The following SLC6A12 variants were observed in gnomAD, a reference collection of about 807,000 sequenced individuals.
The protein encoded by SLC6A12 is solute carrier family 6 member 12.
In SLC6A12, 50 loss-of-function variants were observed where a neutral mutation model predicts 73.3. That is an observed-to-expected ratio of 0.68 (90% CI 0.54 to 0.86). SLC6A12 has a LOEUF of 0.86. Among genes scored for constraint, SLC6A12 ranks in the 40% least tolerant of loss-of-function variants. SLC6A12 has a pLI of 0.00. For missense variants in SLC6A12, 648 were observed against 772.8 expected, an observed-to-expected ratio of 0.84 and a Z score of 1.92; for synonymous variants, 304 against 309.2, an observed-to-expected ratio of 0.98 and a Z score of 0.18.
Position 198,855 on chromosome 12 carries a change from G to C in SLC6A12, c.788C>G (p.Ala263Gly). 1 of 1,614,140 alleles carries C rather than the reference G, an allele frequency of 6.2e-7. No homozygotes were observed. Among genetic ancestry groups the C allele is most frequent in the Non-Finnish European group, 8.5e-7 (1 of 1,179,994 alleles). Reference protein sequence around the residue: ...LLIRGVTLPGAYQGIIYYLKP... With the variant: ...LLIRGVTLPGGYQGIIYYLKP... Reference sequence around the variant, plus strand: ...CAAGTAGTAGATGATGCCCTGGTAGGCTCCGGGAAGGGTGACACCTCTGAT... The same window carrying C: ...CAAGTAGTAGATGATGCCCTGGTAGCCTCCGGGAAGGGTGACACCTCTGAT... The change falls in exon 8 of 16, where the codon GCC (alanine) becomes GGC (glycine). Residue 263 changes from alanine to glycine, a missense_variant. Physicochemically the swap from Ala to Gly is moderately conservative, Grantham distance 60. Coordinates refer to ENST00000684302, the MANE Select transcript of SLC6A12 (RefSeq NM_001122848.3). This position sits in a 1 kb window ranked among gnomAD's most constrained non-coding sequence, Gnocchi z 4.0.
intron 3 of SLC6A12, among the ~76,000 whole-genome samples, chr12:209,352 A>G (rs1407867308): frequency 2.0e-5 from 3 of 152,188 alleles, no homozygotes; most frequent in Non-Finnish European, 4.4e-5. Flanking sequence ...CCTGCCGCAG[A>G]CACAGTACAA....
intron 13 of SLC6A12, among the ~76,000 whole-genome samples, chr12:193,599 C>G (rs116264295): frequency 1.7e-3 from 254 of 152,350 alleles, no homozygotes; most frequent in African/African-American, 5.9e-3. Flanking sequence ...ACTGCTGCTG[C>G]CATCTCTTGT....
At position 192,333 on chromosome 12, in the gene SLC6A12, G is replaced by A. The variant is rs115675175; in HGVS notation, c.1701+145C>T. ...GCCACTGGACTGGTCTTCAAAGTTCGTCTCGTTAAGATTCTGTGAGACTGA... is the reference window on the plus strand; with the variant it reads ...GCCACTGGACTGGTCTTCAAAGTTCATCTCGTTAAGATTCTGTGAGACTGA... On this transcript the variant is annotated intron_variant, in intron 15 of 15. Transcript: ENST00000684302. 3.1e-4 allele frequency: 212 copies of A among 680,102 alleles called. No individual in the cohort carries two copies. The African/African-American group carries it at 3.3e-3, about 11-fold the overall frequency. 42.1% of individuals were successfully genotyped at this position (680,102 alleles called of 1,614,324 possible).
Position 197,205 on chromosome 12 carries a change from C to CT in SLC6A12, c.1075+171_1075+172insA, listed in dbSNP as rs1939964233. On this transcript the variant is annotated intron_variant, in intron 10 of 15. Coordinates refer to ENST00000684302, the MANE Select transcript of SLC6A12 (RefSeq NM_001122848.3). ...TCCATCCATCCATCCATTCATCCAT[C>CT]CATGGAAGCCCTGCTTTGTGCTAAG... Among the ~76,000 whole-genome samples the CT allele has an allele frequency of 5.6e-5, 3 of 53,470 alleles. 1 individual carries two copies. Among genetic ancestry groups the CT allele is most frequent in the Non-Finnish European group, 1.3e-4 (3 of 22,848 alleles). 35.1% of individuals were successfully genotyped at this position (53,470 alleles called of 152,430 possible). A position where few individuals can be genotyped will look rare whatever the true frequency, so the allele number is the denominator to read the frequency against.
chr12:186,993 TCTCA>T (rs758787612), downstream of SLC6A12, among the ~76,000 whole-genome samples: 17 of 152,136 alleles, frequency 1.1e-4, no homozygotes, highest in Admixed American at 4.6e-4. Context: ...TGCCCAAAGT[TCTCA>T]CTTTCTCCGC....
At position 198,064 on chromosome 12, in the gene SLC6A12, C is replaced by T. The variant is rs12311166; in HGVS notation, c.847-61G>A. 1.2e-5 allele frequency: 17 copies of T among 1,399,790 alleles called. No homozygotes were observed. Among genetic ancestry groups the T allele is most frequent in the Admixed American group, 6.8e-5 (4 of 58,854 alleles). The allele number at this position is 1,399,790 out of a possible 1,614,324, so 86.7% of individuals were successfully genotyped here. ...CCCAGGGCCCAGAGCCAGGGTGACC[C>T]GAGATCCAGACCCGTCCCCTGCAGC... On this transcript the variant is annotated intron_variant, in intron 8 of 15. Coordinates refer to ENST00000684302, the MANE Select transcript of SLC6A12 (RefSeq NM_001122848.3). This position sits in a 1 kb window ranked among gnomAD's most constrained non-coding sequence, Gnocchi z 4.0.
At chr12:200,895 G>T in intron 6 of SLC6A12, 112 bp from the exon 7 acceptor site, 1 of 1,172,020 alleles carries the variant, frequency 8.5e-7, no homozygotes, top group Non-Finnish European at 1.2e-6. Context: ...CATATTCCAG[G>T]GCTTCCCCCA....
intron 9 of SLC6A12, 140 bp downstream of exon 9, chr12:197,760 G>A: frequency 1.5e-6 from 1 of 675,382 alleles, no homozygotes; most frequent in Non-Finnish European, 2.5e-6. Context: ...TTTAGTCTGG[G>A]AAAGGAACCC....
chr12:201,827 G>A lies in SLC6A12; in HGVS notation c.513C>T (p.Asn171=). The A allele has an allele frequency of 6.2e-7, 1 of 1,614,062 alleles. No individual in the cohort carries two copies. The change falls in exon 6 of 16, where the codon AAC becomes AAT. Residue 171 remains asparagine, a synonymous_variant. Transcript: ENST00000684302. ...GGGTCACTGTGCCGGCTCCTGAGTGGTTCAGAAAGTCCGTGCAATGCTCTG... is the reference window on the plus strand; with the variant it reads ...GGGTCACTGTGCCGGCTCCTGAGTGATTCAGAAAGTCCGTGCAATGCTCTG... ...WNTEHCTDFL[N]HSGAGTVTPF... is the part of the protein sequence containing the mutation.
chr12:189,914 T>C (rs1315490658), downstream of SLC6A12, among the ~76,000 whole-genome samples: 1 of 152,146 alleles, frequency 6.6e-6, no homozygotes, highest in Non-Finnish European at 1.5e-5. Flanking sequence ...CAAAAGGATC[T>C]GGGAGGACAT....
At chr12:189,896 G>A (rs998803425), downstream of SLC6A12, among the ~76,000 whole-genome samples, 1 of 152,164 alleles carries the variant, frequency 6.6e-6, no homozygotes, top group Non-Finnish European at 1.5e-5. Flanking sequence ...AGGTGGCAAG[G>A]ACAAGAACAA....
chr12:204,703 A>G lies in SLC6A12; in HGVS notation c.215-5T>C. ...AGTAGGGGATGAAGAAGGCTCCTGC[A>G]GAAGAGAGAGAGGCAGGGCTGAGCC... On this transcript the variant is annotated splice_region_variant and splice_polypyrimidine_tract_variant and intron_variant, in intron 3 of 15. Transcript: ENST00000684302. 6.2e-7 allele frequency: 1 copy of G among 1,613,922 alleles called. No homozygotes were observed. Among genetic ancestry groups the G allele is most frequent in the Non-Finnish European group, 8.5e-7 (1 of 1,179,972 alleles).
chr12:184,925 T>TGG, the SLC6A12 span, among the ~76,000 whole-genome samples: 1 of 43,626 alleles, frequency 2.3e-5, no homozygotes, highest in Non-Finnish European at 4.2e-5. Flanking sequence ...AGAATGAAAC[T>TGG]GTCTCAAAAA....
intron 12 of SLC6A12, 89 bp from the exon 13 acceptor site, chr12:195,416 G>A (rs919052883): frequency 7.3e-5 from 62 of 844,724 alleles, no homozygotes; most frequent in African/African-American, 6.6e-4. Context: ...CCCACGTGGG[G>A]TGCACTCCTG....
At chr12:189,567 G>T (rs1242321255), downstream of SLC6A12, among the ~76,000 whole-genome samples, 1 of 152,146 alleles carries the variant, frequency 6.6e-6, no homozygotes, top group Non-Finnish European at 1.5e-5. Context: ...GGGGGTCCAG[G>T]TGACATCTAT....
chr12:187,648 C>G (rs1025767898), downstream of SLC6A12, among the ~76,000 whole-genome samples: 3 of 137,470 alleles, frequency 2.2e-5, no homozygotes, highest in Non-Finnish European at 3.1e-5. Context: ...ACACACACAG[C>G]ACCCACTGCA....
Position 213,082 on chromosome 12 carries a change from G to A in SLC6A12, c.-143+840C>T, listed in dbSNP as rs140264520. ...CCCAGCTGGGGCTAGCAGAGGTGCAGACGAGACCAGAAATGCTGCTGCCCA... is the reference window on the plus strand; with the variant it reads ...CCCAGCTGGGGCTAGCAGAGGTGCAAACGAGACCAGAAATGCTGCTGCCCA... On this transcript the variant is annotated intron_variant, in intron 1 of 15. Coordinates refer to ENST00000684302, the MANE Select transcript of SLC6A12 (RefSeq NM_001122848.3). The surrounding 1 kb of genome is among the most constrained non-coding windows in gnomAD (Gnocchi z 5.3). 6.6e-6 allele frequency among the ~76,000 whole-genome samples: 1 copy of A among 152,186 alleles called. No homozygotes were observed. Among genetic ancestry groups the A allele is most frequent in the Non-Finnish European group, 1.5e-5 (1 of 68,034 alleles).
intron 3 of SLC6A12, 147 bp from the exon 4 acceptor site, chr12:204,845 C>T: frequency 2.4e-6 from 2 of 816,582 alleles, no homozygotes; most frequent in Admixed American, 2.2e-5. Flanking sequence ...CCACTCCTGC[C>T]TGCGTGCAGT....
At chr12:185,369 A>C (rs920078115), downstream of SLC6A12, among the ~76,000 whole-genome samples, 1 of 152,226 alleles carries the variant, frequency 6.6e-6, no homozygotes, top group Non-Finnish European at 1.5e-5. Flanking sequence ...CCCGTGTCTT[A>C]GTGAGATGGG....
Sources: allele counts gnomAD v4.1 joint callset (sites outside exome capture counted in the v4.1 genomes callset), GRCh38; gene constraint gnomAD v4.1.1; non-coding constraint Gnocchi (gnomAD v3.1); transcripts MANE v1.5; gene names NCBI Gene and HGNC (gene_info 2026-07-23, HGNC 2026-07-21).